The following RIMS1 variants were observed in gnomAD, a reference collection of about 807,000 sequenced individuals.
RIMS1 encodes regulating synaptic membrane exocytosis protein 1.
RIMS1 carries 83 observed loss-of-function variants against 214.1 expected under a neutral mutation model. The observed-to-expected ratio is 0.39, with a 90% CI of 0.32 to 0.47. The LOEUF (loss-of-function observed/expected upper bound fraction) is 0.47. RIMS1 is among the 20% of genes least tolerant of loss of function. RIMS1 has a pLI of 0.99. For synonymous variants in RIMS1, 793 were observed against 786.8 expected (o/e 1.01, Z -0.13); for missense variants, 2,050 against 2,161.8 (o/e 0.95, Z 1.03).
chr6:72,171,244 G>A (rs980348887), intron 4 of RIMS1, among the ~76,000 whole-genome samples: 1 of 151,292 alleles, frequency 6.6e-6, no homozygotes, highest in Admixed American at 6.6e-5. Flanking sequence ...TTAAAATGTA[G>A]AAACTTTAAA....
intron 29 of RIMS1, among the ~76,000 whole-genome samples, chr6:72,373,691 A>AT (rs932399576): frequency 3.3e-5 from 5 of 151,430 alleles, no homozygotes; most frequent in East Asian, 1.9e-4. Flanking sequence ...GCTTAGGCAC[A>AT]TTTTTTTTTC....
intron 22 of RIMS1, among the ~76,000 whole-genome samples, chr6:72,273,216 A>T (rs187313305): frequency 6.6e-6 from 1 of 152,096 alleles, no homozygotes; most frequent in Non-Finnish European, 1.5e-5. Flanking sequence ...GTTTGGCCAG[A>T]TGGTCTAAAA....
At chr6:71,976,434 A>G (rs1445388021) in intron 2 of RIMS1, among the ~76,000 whole-genome samples, 1 of 152,122 alleles carries the variant, frequency 6.6e-6, no homozygotes, top group Non-Finnish European at 1.5e-5. Context: ...CTTTCAAAAT[A>G]TGTGTTATTT....
At chr6:71,964,176 G>T in intron 1 of RIMS1, among the ~76,000 whole-genome samples, 1 of 152,108 alleles carries the variant, frequency 6.6e-6, no homozygotes, top group Non-Finnish European at 1.5e-5. Context: ...AGAAGTAAGG[G>T]GTTTAGTCAT....
At chr6:72,365,108 C>T (rs964818678) in intron 29 of RIMS1, among the ~76,000 whole-genome samples, 6 of 152,222 alleles carry the variant, frequency 3.9e-5, no homozygotes, top group Non-Finnish European at 4.4e-5. Context: ...AGGTGCCCAG[C>T]CAGTGAGGGG....
At chr6:72,367,632 G>A (rs908588045) in intron 29 of RIMS1, among the ~76,000 whole-genome samples, 2 of 152,074 alleles carry the variant, frequency 1.3e-5, no homozygotes, top group African/African-American at 4.8e-5. Context: ...AAACAGCCTG[G>A]CTGAAATTGA....
At chr6:72,016,296 T>G (rs1183683279) in intron 2 of RIMS1, among the ~76,000 whole-genome samples, 1 of 152,156 alleles carries the variant, frequency 6.6e-6, no homozygotes, top group Non-Finnish European at 1.5e-5. Context: ...CAGGGTAGTA[T>G]TGTTTTTTAC....
chr6:71,989,875 C>T (rs1801071578), intron 2 of RIMS1, among the ~76,000 whole-genome samples: 1 of 151,960 alleles, frequency 6.6e-6, no homozygotes, highest in Non-Finnish European at 1.5e-5. Flanking sequence ...CCTCCAACCC[C>T]ACCTCAGGCC....
chr6:71,894,771 T>A (rs1771125206), intron 1 of RIMS1, among the ~76,000 whole-genome samples: 1 of 152,212 alleles, frequency 6.6e-6, no homozygotes, highest in Non-Finnish European at 1.5e-5. Flanking sequence ...TTTTGATAAT[T>A]CCTCTGATGT....
intron 29 of RIMS1, chr6:72,366,939 C>A: frequency 1.1e-6 from 1 of 886,762 alleles, no homozygotes; most frequent in Non-Finnish European, 1.4e-6. Flanking sequence ...TTTCATAAAA[C>A]CTAGCCAAAA....
At chr6:71,890,884 CAGAG>C in intron 1 of RIMS1, among the ~76,000 whole-genome samples, 1 of 78 alleles carries the variant, frequency 0.013, no homozygotes, top group Admixed American at 0.17. Context: ...ACACTACCCT[CAGAG>C]AATTTAGTAA....
chr6:72,117,701 A>G lies in RIMS1; in HGVS notation c.471+17715A>G, dbSNP rs550873827. Among the ~76,000 whole-genome samples, 30 of 152,108 alleles carry G rather than the reference A, an allele frequency of 2.0e-4. 1 individual carries two copies. The East Asian group carries it at 4.8e-3, about 24-fold the overall frequency. The stretch of plus-strand genomic sequence containing the variant: ...TATTTAGGTTAACAATGAAATGAAG[A>G]TGGAATTAAAAAATTCTTTGAAATG... On this transcript the variant is annotated intron_variant, in intron 4 of 33. Transcript: ENST00000521978.
At chr6:72,326,578 A>G (rs1312732413) in intron 28 of RIMS1, among the ~76,000 whole-genome samples, 2 of 151,772 alleles carry the variant, frequency 1.3e-5, no homozygotes, top group African/African-American at 4.8e-5. Context: ...TTTGTATTTT[A>G]CCATCTATAC....
intron 2 of RIMS1, among the ~76,000 whole-genome samples, chr6:72,064,707 TG>T (rs570253907): frequency 1.5e-3 from 232 of 149,992 alleles, no homozygotes; most frequent in African/African-American, 5.4e-3. Flanking sequence ...TAAAAAAAAA[TG>T]TTTTTCAGCA....
intron 4 of RIMS1, among the ~76,000 whole-genome samples, chr6:72,140,006 TAA>T (rs2041888044): frequency 6.6e-6 from 1 of 152,182 alleles, no homozygotes; most frequent in Non-Finnish European, 1.5e-5. Flanking sequence ...CTTTGTGGGA[TAA>T]ATGTAGCATT....
chr6:72,035,767 A>G (rs781524209), intron 2 of RIMS1, among the ~76,000 whole-genome samples: 11 of 152,110 alleles, frequency 7.2e-5, no homozygotes, highest in Non-Finnish European at 1.2e-4. Context: ...AATTCCAGGT[A>G]GGGGTTTATA....
At chr6:72,380,579 G>A (rs1289978762) in intron 29 of RIMS1, among the ~76,000 whole-genome samples, 3 of 152,128 alleles carry the variant, frequency 2.0e-5, no homozygotes, top group East Asian at 1.9e-4. Flanking sequence ...TAAAGAAAAC[G>A]AATGTGAAGT....
intron 6 of RIMS1, among the ~76,000 whole-genome samples, chr6:72,224,137 G>A (rs924582268): frequency 6.6e-6 from 1 of 152,108 alleles, no homozygotes; most frequent in Non-Finnish European, 1.5e-5. Flanking sequence ...TAATGATAAA[G>A]GACAGTACAA....
chr6:72,124,840 G>A (rs2039171332), intron 4 of RIMS1, among the ~76,000 whole-genome samples: 1 of 152,018 alleles, frequency 6.6e-6, no homozygotes. Flanking sequence ...GGTCATTTAA[G>A]GTCTTCTCTA....
Sources: allele counts gnomAD v4.1 joint callset (sites outside exome capture counted in the v4.1 genomes callset), GRCh38; gene constraint gnomAD v4.1.1; transcripts MANE v1.5; gene names NCBI Gene and HGNC (gene_info 2026-07-23, HGNC 2026-07-21).